Variants in TMEM116 observed in about 807,000 individuals in gnomAD.
TMEM116 encodes transmembrane protein 116.
In TMEM116, 38 loss-of-function variants were observed where a neutral mutation model predicts 44.3. The ratio of observed to expected loss-of-function variants is 0.86; its 90% CI spans 0.66 to 1.12. The LOEUF is 1.12. Among genes scored for constraint, TMEM116 ranks in the 50% most tolerant of loss-of-function variants. The pLI is 0.00. For synonymous variants in TMEM116, 132 were observed against 144.8 expected (o/e 0.91, Z 0.64); for missense variants, 354 against 401.7 (o/e 0.88, Z 1.01).
At chr12:111,937,992 CAA>C (rs2072310235) in intron 6 of TMEM116, 167 bp downstream of exon 6, 1 of 431,968 alleles carries the variant, frequency 2.3e-6, no homozygotes, top group Admixed American at 4.4e-5. Flanking sequence ...CTTCCCTATT[CAA>C]TGTGGAAAAA....
intron 3 of TMEM116, among the ~76,000 whole-genome samples, chr12:111,994,620 T>C (rs1176318024): frequency 1.3e-5 from 2 of 152,188 alleles, no homozygotes; most frequent in African/African-American, 4.8e-5. Flanking sequence ...TATGCATAAG[T>C]ACAGTATACA....
At chr12:111,991,678 C>A in intron 4 of TMEM116, 80 bp downstream of exon 4, 1 of 1,404,972 alleles carries the variant, frequency 7.1e-7, no homozygotes, top group Admixed American at 2.3e-5. Flanking sequence ...CTCCACTTCC[C>A]AAGGTGAATC....
chr12:111,984,415 G>C (rs937052009), intron 4 of TMEM116, among the ~76,000 whole-genome samples: 1 of 152,144 alleles, frequency 6.6e-6, no homozygotes, highest in Non-Finnish European at 1.5e-5. Flanking sequence ...GGTACCAGAA[G>C]CTGGGAGGGG....
intron 4 of TMEM116, among the ~76,000 whole-genome samples, chr12:111,968,591 C>T (rs2075118617): frequency 6.6e-6 from 1 of 152,062 alleles, no homozygotes; most frequent in Admixed American, 6.6e-5. Context: ...TGAAACCTAC[C>T]CAGGACTGAA....
intron 4 of TMEM116, among the ~76,000 whole-genome samples, chr12:111,944,592 G>A (rs2073102460): frequency 6.6e-6 from 1 of 152,186 alleles, no homozygotes. Context: ...GGCCAAGGCA[G>A]CTAAAATTTG....
At chr12:111,971,332 G>A (rs2075321139) in intron 4 of TMEM116, among the ~76,000 whole-genome samples, 1 of 151,854 alleles carries the variant, frequency 6.6e-6, no homozygotes, top group Admixed American at 6.6e-5. Context: ...TTTAAAACAT[G>A]GAAAAGAAAA....
intron 3 of TMEM116, among the ~76,000 whole-genome samples, chr12:111,997,989 T>C (rs1333095390): frequency 1.3e-5 from 2 of 152,120 alleles, no homozygotes; most frequent in Non-Finnish European, 2.9e-5. Context: ...AAATGTGAAA[T>C]GGTGAAGTCA....
rs775077607 is a variant in TMEM116, at chr12:111,932,625, TG to T, written c.767del (p.Pro256HisfsTer16). 1 of 1,614,222 alleles carries T rather than the reference TG, an allele frequency of 6.2e-7. No homozygotes were observed. On this transcript the variant is annotated frameshift_variant, in exon 10 of 11. Transcript: ENST00000552374. LOFTEE classifies it high-confidence loss of function. ...VILMIIKLTKPQDTKLHMALY... is the reference protein window; with the variant it reads ...VILMIIKLTKXQDTKLHMALY... ...GGGCCATGTGAAGCTTGGTGTCCTG[TG>T]GCTTAGTCAGCTTTATGATCATTAG...
At chr12:111,972,149 GA>G (rs1439873959) in intron 4 of TMEM116, among the ~76,000 whole-genome samples, 3 of 139,784 alleles carry the variant, frequency 2.1e-5, no homozygotes, top group Non-Finnish European at 3.1e-5. Flanking sequence ...GCAGGCTAGA[GA>G]AAAAATAAAG....
chr12:112,005,946 T>A (rs2077561086), intron 1 of TMEM116: 2 of 985,708 alleles, frequency 2.0e-6, no homozygotes, highest in South Asian at 9.4e-5. Flanking sequence ...CTTCTGACCT[T>A]ACCAAGTCCC....
chr12:111,993,847 T>C (rs370976487), intron 3 of TMEM116: 2 of 750,922 alleles, frequency 2.7e-6, no homozygotes, highest in South Asian at 2.7e-5. Flanking sequence ...GGTATCTGTG[T>C]TGAATAAAGA....
chr12:111,991,234 A>AAC (rs2076559224), intron 4 of TMEM116, among the ~76,000 whole-genome samples: 1 of 150,526 alleles, frequency 6.6e-6, no homozygotes. Flanking sequence ...AAAAAAAAAA[A>AAC]AAAAACGGCT....
In TMEM116 at chr12:112,013,147, G is replaced by A. The variant is rs1462380311; in HGVS notation, c.-179C>T. ...ATGCGCACTTGGCGCTTCTCCTCAA[G>A]CGGAGCAGGAACGGAACTGGGCGGA... is the stretch of plus-strand genomic sequence containing the variant. On this transcript the variant is annotated 5_prime_UTR_variant, in exon 1 of 11. Transcript: ENST00000552374. The A allele has an allele frequency of 3.0e-6, 1 of 328,076 alleles. No homozygotes were observed. The highest frequency in any genetic ancestry group is 5.6e-6 in the Non-Finnish European group (1 of 178,290). The allele number at this position is 328,076 out of a possible 1,614,324, so 20.3% of individuals were successfully genotyped here. A position where few individuals can be genotyped will look rare whatever the true frequency, so the allele number is the denominator to read the frequency against.
chr12:112,003,663 A>C (rs1338695931), intron 3 of TMEM116, 137 bp downstream of exon 3: 1 of 1,278,784 alleles, frequency 7.8e-7, no homozygotes, highest in East Asian at 3.0e-5. Flanking sequence ...CATGCCAAAA[A>C]TATCTCATTG....
intron 3 of TMEM116, among the ~76,000 whole-genome samples, chr12:111,998,085 G>A (rs1336135129): frequency 1.3e-5 from 2 of 152,210 alleles, no homozygotes; most frequent in South Asian, 2.1e-4. Context: ...CACAGACTGC[G>A]TGGTCTTGGA....
chr12:111,997,952 T>A (rs2077022383), intron 3 of TMEM116, among the ~76,000 whole-genome samples: 2 of 152,212 alleles, frequency 1.3e-5, no homozygotes, highest in Admixed American at 6.5e-5. Flanking sequence ...TGACCTATCA[T>A]AAGTTTATAA....
At chr12:111,946,578 C>T (rs892697844) in intron 4 of TMEM116, among the ~76,000 whole-genome samples, 1 of 152,126 alleles carries the variant, frequency 6.6e-6, no homozygotes, top group African/African-American at 2.4e-5. Context: ...GTGTTCCTTG[C>T]CCTCATTCCA....
At chr12:111,998,469 A>G (rs148766928) in intron 3 of TMEM116, among the ~76,000 whole-genome samples, 3 of 152,324 alleles carry the variant, frequency 2.0e-5, no homozygotes, top group African/African-American at 7.2e-5. Context: ...CCTGGAGAAG[A>G]AAAGCAGCCA....
intron 1 of TMEM116, among the ~76,000 whole-genome samples, chr12:112,006,853 T>A (rs2077608071): frequency 1.3e-5 from 2 of 152,222 alleles, no homozygotes; most frequent in Non-Finnish European, 2.9e-5. Context: ...AAATCCTTAT[T>A]GATAACAAAT....
Sources: gnomAD v4.1 joint callset for allele counts (sites outside exome capture counted in the v4.1 genomes callset) on GRCh38, gnomAD v4.1.1 for gene constraint, MANE v1.5 for transcripts, NCBI Gene and HGNC (gene_info 2026-07-23, HGNC 2026-07-21) for gene names.